The following PRKCE variants were observed in gnomAD, a reference collection of about 807,000 sequenced individuals.
PRKCE encodes the protein protein kinase C epsilon type.
Under a neutral mutation model 85.4 loss-of-function variants are expected in PRKCE, and 16 were observed. That is an observed-to-expected ratio of 0.19 (90% CI 0.13 to 0.28). The LOEUF (loss-of-function observed/expected upper bound fraction) is 0.28, where lower values mean the gene tolerates loss of function less well. Ranked by LOEUF, PRKCE falls within the 10% of genes least tolerant of loss-of-function variation. The pLI is 1.00. For missense variants in PRKCE, 573 were observed against 975.2 expected (o/e 0.59, Z 5.49); for synonymous variants, 388 against 371.5 (o/e 1.04, Z -0.51).
intron 10 of PRKCE, among the ~76,000 whole-genome samples, chr2:46,082,397 G>A (rs960073255): frequency 2.0e-5 from 3 of 152,174 alleles, no homozygotes; most frequent in Admixed American, 1.3e-4. Context: ...GGTATTAAAT[G>A]ACTAAGGTTT....
At chr2:45,864,698 T>C (rs1277889238) in intron 2 of PRKCE, among the ~76,000 whole-genome samples, 6 of 152,168 alleles carry the variant, frequency 3.9e-5, no homozygotes, top group Admixed American at 3.9e-4. Flanking sequence ...CCCCAACCAT[T>C]CCTATGGATT....
chr2:45,935,353 C>T (rs565543747), intron 2 of PRKCE, among the ~76,000 whole-genome samples: 2 of 152,254 alleles, frequency 1.3e-5, no homozygotes, highest in South Asian at 2.1e-4. Context: ...AGAAAATAAA[C>T]CCCCTCCTCT....
intron 6 of PRKCE, among the ~76,000 whole-genome samples, chr2:45,992,531 C>T (rs1703886951): frequency 6.6e-6 from 1 of 152,204 alleles, no homozygotes; most frequent in Non-Finnish European, 1.5e-5. Flanking sequence ...CACAATTTCC[C>T]ATTTGCAAAT....
At chr2:46,133,403 A>G (rs1370644581) in intron 11 of PRKCE, among the ~76,000 whole-genome samples, 1 of 152,122 alleles carries the variant, frequency 6.6e-6, no homozygotes, top group Non-Finnish European at 1.5e-5. Flanking sequence ...CCTCATGTCC[A>G]TCTCTCCTTC....
intron 1 of PRKCE, among the ~76,000 whole-genome samples, chr2:45,677,577 C>G (rs1468070507): frequency 6.6e-6 from 1 of 152,040 alleles, no homozygotes; most frequent in Non-Finnish European, 1.5e-5. Flanking sequence ...AGGATGGTCT[C>G]GATCTCCTGA....
intron 11 of PRKCE, among the ~76,000 whole-genome samples, chr2:46,144,435 G>C (rs1467574414): frequency 2.6e-5 from 4 of 152,080 alleles, no homozygotes; most frequent in African/African-American, 7.2e-5. Context: ...ATTCACTAGG[G>C]CCCAATTCTC....
chr2:45,902,949 CAG>C (rs1696682470), intron 2 of PRKCE, among the ~76,000 whole-genome samples: 1 of 152,152 alleles, frequency 6.6e-6, no homozygotes, highest in South Asian at 2.1e-4. Flanking sequence ...GTGACTTTCC[CAG>C]ATGGGCATAT....
Position 46,021,020 on chromosome 2 carries a change from G to A in PRKCE, c.1437+10503G>A, listed in dbSNP as rs1017523706. Among the ~76,000 whole-genome samples, 6 of 152,194 alleles carry A rather than the reference G, an allele frequency of 3.9e-5. No homozygotes were observed. In the East Asian group the frequency reaches 1.2e-3, roughly 29 times the overall value. On this transcript the variant is annotated intron_variant, in intron 10 of 14. Transcript: ENST00000306156. ...TTTGGTCACGATCACACGGAGTTAA[G>A]TGATAAAGCTGGGATCCCCACCTTT...
rs537892362 is a variant in PRKCE, at chr2:45,985,264, C to G, written c.823+584C>G. 1.3e-3 allele frequency among the ~76,000 whole-genome samples: 204 copies of G among 152,304 alleles called. 2 individuals carry two copies. In the Middle Eastern group the frequency reaches 0.014, roughly 10 times the overall value. Reference sequence around the variant, plus strand: ...CAGAAGTAGGATTTGAACCTTGACTCTCGCGTCCTCAGTTCCTTCCTGTTT... The same window carrying G: ...CAGAAGTAGGATTTGAACCTTGACTGTCGCGTCCTCAGTTCCTTCCTGTTT... On this transcript the variant is annotated intron_variant, in intron 6 of 14. Transcript: ENST00000306156.
intron 2 of PRKCE, among the ~76,000 whole-genome samples, chr2:45,898,254 C>G (rs987436067): frequency 6.6e-6 from 1 of 152,180 alleles, no homozygotes; most frequent in African/African-American, 2.4e-5. Context: ...GGGAGTTAAG[C>G]TTCACCTCTG....
chr2:45,859,040 C>CTAAATAAATAAA (rs3045334), intron 2 of PRKCE, among the ~76,000 whole-genome samples: 1 of 135,444 alleles, frequency 7.4e-6, no homozygotes, highest in East Asian at 2.2e-4. Flanking sequence ...GACTCCATCT[C>CTAAATAAATAAA]TAAATAAATA....
intron 7 of PRKCE, chr2:46,003,801 C>G (rs1411636540): frequency 6.6e-6 from 1 of 152,332 alleles, no homozygotes; most frequent in Non-Finnish European, 1.5e-5. Context: ...ACTGAAGTCT[C>G]TTGTTTTCTT....
intron 1 of PRKCE, chr2:45,770,700 C>T: frequency 6.6e-6 from 1 of 152,234 alleles, no homozygotes; most frequent in East Asian, 1.9e-4. Context: ...GGGATGCCAG[C>T]TCTCTAACCG....
chr2:45,906,472 A>G (rs1419040813), intron 2 of PRKCE, among the ~76,000 whole-genome samples: 1 of 152,266 alleles, frequency 6.6e-6, no homozygotes, highest in Non-Finnish European at 1.5e-5. Flanking sequence ...AACCAAGACA[A>G]GTCCTTTCTA....
chr2:45,984,492 C>A, intron 5 of PRKCE, 59 bp from the exon 6 acceptor site: 1 of 1,573,510 alleles, frequency 6.4e-7, no homozygotes, highest in Non-Finnish European at 8.6e-7. Context: ...GTTCCGTTGA[C>A]AAGTCTTCTG....
rs917037298 is a variant in PRKCE at position 46,120,824 on chromosome 2, G to A, written c.1593-24269G>A. The stretch of plus-strand genomic sequence containing the variant: ...AGGCTTGTCTTCTTTTCCTGTCAAC[G>A]TTAAGTCAAGAAGTATATTTAATCT... On this transcript the variant is annotated intron_variant, in intron 11 of 14. Coordinates refer to ENST00000306156, the MANE Select transcript of PRKCE (RefSeq NM_005400.3). Among the ~76,000 whole-genome samples the A allele has an allele frequency of 9.2e-5, 14 of 152,224 alleles. No individual in the cohort carries two copies. The South Asian group carries it at 2.9e-3, about 32-fold the overall frequency.
chr2:45,963,552 G>C (rs554855927), intron 2 of PRKCE, among the ~76,000 whole-genome samples: 1 of 152,140 alleles, frequency 6.6e-6, no homozygotes, highest in African/African-American at 2.4e-5. Flanking sequence ...CAGGTGATCC[G>C]CCCACCTTGG....
chr2:45,734,714 C>A (rs1400156380), intron 1 of PRKCE, among the ~76,000 whole-genome samples: 1 of 152,218 alleles, frequency 6.6e-6, no homozygotes, highest in Non-Finnish European at 1.5e-5. Context: ...CAGATCCCCC[C>A]TGCAGGCCTG....
At chr2:45,793,378 G>A (rs1169972130) in intron 1 of PRKCE, among the ~76,000 whole-genome samples, 1 of 152,070 alleles carries the variant, frequency 6.6e-6, no homozygotes, top group Non-Finnish European at 1.5e-5. Flanking sequence ...TTCGGGGGAG[G>A]GAGGCAAGCT....
Sources: allele counts gnomAD v4.1 joint callset (sites outside exome capture counted in the v4.1 genomes callset), GRCh38; gene constraint gnomAD v4.1.1; transcripts MANE v1.5; gene names NCBI Gene and HGNC (gene_info 2026-07-23, HGNC 2026-07-21).